LMNTD1: variants seen among roughly 807,000 people sequenced by gnomAD.
LMNTD1 encodes lamin tail domain containing 1, also known as lamin tail domain-containing protein 1.
A neutral mutation model predicts 50.9 loss-of-function variants in LMNTD1; 35 were observed. The ratio of observed to expected loss-of-function variants is 0.69; its 90% CI spans 0.53 to 0.91. The LOEUF is 0.91. LMNTD1 is among the 40% of genes least tolerant of loss of function. LMNTD1 has a pLI of 0.00. For synonymous variants in LMNTD1, 153 were observed against 161.9 expected (o/e 0.94, Z 0.42); for missense variants, 470 against 475.5 (o/e 0.99, Z 0.11).
At chr12:25,492,430 A>T (rs10505969) in intron 9 of LMNTD1, among the ~76,000 whole-genome samples, 39,692 of 152,090 alleles carry the variant, frequency 0.26, 5,356 homozygotes, top group Middle Eastern at 0.34. Context: ...TATTGGCTTA[A>T]CACTGAATTT....
At chr12:25,492,249 A>G (rs1438886106) in intron 9 of LMNTD1, among the ~76,000 whole-genome samples, 1 of 152,248 alleles carries the variant, frequency 6.6e-6, no homozygotes, top group Non-Finnish European at 1.5e-5. Context: ...GCTTAGCATA[A>G]TAATTCAAGC....
chr12:25,603,768 G>T (rs6487496), intron 1 of LMNTD1, among the ~76,000 whole-genome samples: 89,037 of 151,794 alleles, frequency 0.59, 28,027 homozygotes, highest in Non-Finnish European at 0.72. Flanking sequence ...AATGAAGTCT[G>T]CAGTTTTGGA....
chr12:25,516,730 T>C (rs987414394), intron 8 of LMNTD1, among the ~76,000 whole-genome samples: 2 of 151,812 alleles, frequency 1.3e-5, no homozygotes, highest in Non-Finnish European at 2.9e-5. Context: ...ACTAAAGAGC[T>C]TCTGCACAGC....
chr12:25,618,935 C>T (rs1214033004), intron 1 of LMNTD1, among the ~76,000 whole-genome samples: 1 of 152,140 alleles, frequency 6.6e-6, no homozygotes, highest in East Asian at 1.9e-4. Flanking sequence ...AATTCATCAA[C>T]TGACTTAATC....
intron 1 of LMNTD1, among the ~76,000 whole-genome samples, chr12:25,643,891 T>C (rs897880080): frequency 9.2e-5 from 14 of 152,198 alleles, no homozygotes; most frequent in African/African-American, 2.9e-4. Flanking sequence ...ACATTTATGG[T>C]CAGGAACTGG....
chr12:25,648,491 T>A (rs1237819422), intron 1 of LMNTD1: 5 of 1,551,102 alleles, frequency 3.2e-6, no homozygotes, highest in Non-Finnish European at 4.4e-6. Context: ...ATTTCTCACT[T>A]ACTGTGGTGG....
At chr12:25,483,640 C>T (rs776517572) in intron 9 of LMNTD1, among the ~76,000 whole-genome samples, 21 of 151,282 alleles carry the variant, frequency 1.4e-4, no homozygotes, top group Middle Eastern at 6.8e-3. Context: ...GTCATGGTGG[C>T]GCTTGCCTGT....
chr12:25,546,203 T>C (rs1425909757), intron 4 of LMNTD1, among the ~76,000 whole-genome samples, 171 bp downstream of exon 4: 1 of 151,658 alleles, frequency 6.6e-6, no homozygotes, highest in African/African-American at 2.4e-5. Flanking sequence ...CTTTAGACCA[T>C]TATATCAATT....
chr12:25,542,918 C>G lies in LMNTD1; in HGVS notation c.491+3456G>C, dbSNP rs190180531. Among the ~76,000 whole-genome samples the G allele has an allele frequency of 6.3e-3, 962 of 151,608 alleles. 17 individuals are homozygous for G. Among genetic ancestry groups the G allele is most frequent in the African/African-American group, 0.022 (919 of 41,418 alleles). On this transcript the variant is annotated intron_variant, in intron 4 of 9. Coordinates refer to ENST00000458174, the MANE Select transcript of LMNTD1 (RefSeq NM_001145728.2). ...ATATGATCAGGAAAAAGAGAAGATA[C>G]AGATGACCATATGAGAAATGAGAAA...
At chr12:25,509,943 A>C (rs1940128826) in intron 8 of LMNTD1, among the ~76,000 whole-genome samples, 1 of 152,226 alleles carries the variant, frequency 6.6e-6, no homozygotes, top group Non-Finnish European at 1.5e-5. Flanking sequence ...CTTCTGCCTC[A>C]GTATTGTGAG....
At chr12:25,604,252 G>C (rs1162275086) in intron 1 of LMNTD1, among the ~76,000 whole-genome samples, 2 of 151,900 alleles carry the variant, frequency 1.3e-5, no homozygotes, top group Non-Finnish European at 1.5e-5. Context: ...TGGCCACATG[G>C]GACAAAAGAA....
intron 1 of LMNTD1, among the ~76,000 whole-genome samples, chr12:25,599,058 TC>T (rs1945907019): frequency 2.6e-5 from 4 of 152,000 alleles, no homozygotes; most frequent in Non-Finnish European, 5.9e-5. Flanking sequence ...TATGCGAAAG[TC>T]CTCAACAAAA....
chr12:25,627,021 G>A (rs1167135242), intron 1 of LMNTD1, among the ~76,000 whole-genome samples: 2 of 152,166 alleles, frequency 1.3e-5, no homozygotes, highest in Non-Finnish European at 2.9e-5. Context: ...CAATAAAAAA[G>A]GATCTATTCC....
In LMNTD1 at chr12:25,518,947, G is replaced by A. The variant is rs746773061; in HGVS notation, c.1037C>T (p.Thr346Ile). ...LLKREKEIPP[T>I]VFPNRSPWCQ... is the part of the protein sequence containing the mutation. ...CCAAGGGCTGCGATTAGGGAAAACGGTTGGTGGGATTTCCTTCTCTCTGTA... is the reference window on the plus strand; with the variant it reads ...CCAAGGGCTGCGATTAGGGAAAACGATTGGTGGGATTTCCTTCTCTCTGTA... Residue 346 changes from threonine to isoleucine, a missense_variant, in exon 8 of 10, where the codon ACC (threonine) becomes ATC (isoleucine). Transcript: ENST00000458174. The A allele has an allele frequency of 1.5e-5, 25 of 1,613,974 alleles. No homozygotes were observed. Among genetic ancestry groups the A allele is most frequent in the Non-Finnish European group, 2.0e-5 (24 of 1,180,006 alleles).
At chr12:25,507,076 A>G (rs1297353524) in intron 8 of LMNTD1, among the ~76,000 whole-genome samples, 2 of 152,012 alleles carry the variant, frequency 1.3e-5, no homozygotes, top group African/African-American at 4.8e-5. Context: ...GGGTTTCACC[A>G]TGTTGGCCAG....
chr12:25,563,199 C>G (rs1944409775), intron 1 of LMNTD1, among the ~76,000 whole-genome samples: 3 of 152,210 alleles, frequency 2.0e-5, no homozygotes, highest in African/African-American at 4.8e-5. Context: ...TAGCTGCGTT[C>G]CTTTGGAGGA....
intron 9 of LMNTD1, chr12:25,499,719 ATACT>A (rs965061294): frequency 9.9e-5 from 15 of 151,364 alleles, no homozygotes; most frequent in Admixed American, 8.6e-4. Flanking sequence ...ACCAGGTAAC[ATACT>A]TAAAGTGTGA....
chr12:25,648,523 A>T (rs1160098813), exon 1 of LMNTD1: 2 of 1,551,696 alleles, frequency 1.3e-6, no homozygotes, highest in Non-Finnish European at 8.7e-7. Context: ...GGAAACACCG[A>T]TGTCTCCTGC....
chr12:25,526,159 T>C lies in LMNTD1; in HGVS notation c.738A>G (p.Glu246=), dbSNP rs1941692765. ...CAGGACTTGCTCTAAACTTGTCTTG[T>C]TCCTTCCAAAGAAAATCTGATGGAG... The part of the protein sequence containing the change: ...HQPPSDFLWK[E]QDKFRASPDC... Residue 246 remains glutamate, a synonymous_variant, in exon 6 of 10, where the codon GAA becomes GAG. Coordinates refer to ENST00000458174, the MANE Select transcript of LMNTD1 (RefSeq NM_001145728.2). 1 of 1,611,558 alleles carries C rather than the reference T, an allele frequency of 6.2e-7. No homozygotes were observed. The highest frequency in any genetic ancestry group is 8.5e-7 in the Non-Finnish European group (1 of 1,178,624).
Sources: gnomAD v4.1 joint callset for allele counts (sites outside exome capture counted in the v4.1 genomes callset) on GRCh38, gnomAD v4.1.1 for gene constraint, MANE v1.5 for transcripts, NCBI Gene and HGNC (gene_info 2026-07-23, HGNC 2026-07-21) for gene names.